MTOR: variants seen among roughly 807,000 people sequenced by gnomAD.
MTOR encodes the protein serine/threonine-protein kinase mTOR.
In MTOR, 70 loss-of-function variants were observed where a neutral mutation model predicts 319.8. That is an observed-to-expected ratio of 0.22 (90% CI 0.18 to 0.27). The LOEUF (loss-of-function observed/expected upper bound fraction) is 0.27, where lower values mean the gene tolerates loss of function less well. Among genes scored for constraint, MTOR ranks in the 10% least tolerant of loss-of-function variants. The pLI is 1.00. For synonymous variants in MTOR, 1,183 were observed against 1,211.4 expected (o/e 0.98, Z 0.49); for missense variants, 1,890 against 3,274.4 (o/e 0.58, Z 10.32).
At chr1:11,158,570 A>G (rs1166614108) in intron 29 of MTOR, among the ~76,000 whole-genome samples, 4 of 152,162 alleles carry the variant, frequency 2.6e-5, no homozygotes, top group African/African-American at 9.7e-5. Context: ...ACGTAAGGCA[A>G]ACTATCTCAA....
rs904070027 is a variant in MTOR at position 11,129,091 on chromosome 1, A to G, written c.5715-140T>C. ...TCAAATGTGTTTGGCCTCCCATGGG[A>G]GCAGGTGTCTGTGATGGGTGGCAGT... On this transcript the variant is annotated intron_variant, in intron 40 of 57. Coordinates refer to ENST00000361445, the MANE Select transcript of MTOR (RefSeq NM_004958.4). This position sits in a 1 kb window ranked among gnomAD's most constrained non-coding sequence, Gnocchi z 4.7. 1.3e-5 allele frequency: 9 copies of G among 673,502 alleles called. No individual in the cohort carries two copies. The African/African-American group carries it at 1.4e-4, about 11-fold the overall frequency. The allele number at this position is 673,502 out of a possible 1,614,324, so 41.7% of individuals were successfully genotyped here.
Position 11,144,726 on chromosome 1 carries a change from C to T in MTOR, c.4794G>A (p.Glu1598=), listed in dbSNP as rs757225087. The T allele has an allele frequency of 4.3e-6, 7 of 1,613,676 alleles. No homozygotes were observed. In the South Asian group the frequency reaches 7.7e-5, roughly 18 times the overall value. The part of the protein sequence containing the change: ...GAMVSCHMLS[E]LEEVIQYKLV... ...GTTTGTACTGGATAACCTCCTCCAGCTCGGACAGCATGTGGCAAGAAACCA... is the reference window on the plus strand; with the variant it reads ...GTTTGTACTGGATAACCTCCTCCAGTTCGGACAGCATGTGGCAAGAAACCA... The change falls in exon 34 of 58, where the codon GAG becomes GAA. Residue 1598 remains glutamate, a synonymous_variant. Transcript: ENST00000361445.
chr1:11,159,848 C>T (rs1644420943), intron 29 of MTOR, among the ~76,000 whole-genome samples: 1 of 152,076 alleles, frequency 6.6e-6, no homozygotes, highest in Non-Finnish European at 1.5e-5. Context: ...ACAAAAGGTT[C>T]CTCATCAAAT....
chr1:11,166,687 G>A (rs1418859651), intron 29 of MTOR, among the ~76,000 whole-genome samples: 1 of 152,172 alleles, frequency 6.6e-6, no homozygotes, highest in Non-Finnish European at 1.5e-5. Flanking sequence ...ACAGTGTGGC[G>A]ATTCCTCAAG....
chr1:11,183,061 C>T (rs981916468), intron 28 of MTOR, among the ~76,000 whole-genome samples: 1 of 152,198 alleles, frequency 6.6e-6, no homozygotes, highest in Non-Finnish European at 1.5e-5. Context: ...AGTGGCTTTA[C>T]CAATTTACAT....
intron 26 of MTOR, 54 bp downstream of exon 26, chr1:11,204,507 G>A (rs572623343): frequency 1.1e-4 from 168 of 1,555,362 alleles, no homozygotes; most frequent in Non-Finnish European, 1.4e-4. Flanking sequence ...AAACTAATTT[G>A]TATATATCGT....
chr1:11,230,646 G>C (rs1253502077), intron 18 of MTOR, among the ~76,000 whole-genome samples: 1 of 152,146 alleles, frequency 6.6e-6, no homozygotes, highest in African/African-American at 2.4e-5. Flanking sequence ...GTGATGGGGT[G>C]ATAATGTGTA....
At chr1:11,233,892 C>T (rs1306972442) in intron 14 of MTOR, among the ~76,000 whole-genome samples, 4 of 152,154 alleles carry the variant, frequency 2.6e-5, no homozygotes, top group African/African-American at 9.7e-5. Context: ...TTCTCCTTTC[C>T]AAACATCTGC....
chr1:11,247,252 C>T (rs986503647), intron 8 of MTOR, among the ~76,000 whole-genome samples: 1 of 152,196 alleles, frequency 6.6e-6, no homozygotes, highest in Admixed American at 6.5e-5. Context: ...AGCTTGGTGA[C>T]CACCTCAGGG....
chr1:11,190,677 T>A (rs1044879141), intron 28 of MTOR, among the ~76,000 whole-genome samples: 3 of 152,246 alleles, frequency 2.0e-5, no homozygotes, highest in African/African-American at 4.8e-5. Context: ...ATAACTTTTA[T>A]TTCTGGTTAG....
At position 11,128,010 on chromosome 1, in the gene MTOR, G is replaced by A. The variant is rs757962203; in HGVS notation, c.6027C>T (p.Ala2009=). ...CEHSNTLVQQ[A]MMVSEELIRV... is the part of the protein sequence containing the mutation. ...CACAGTGGCTCCGACCCACCATCAT[G>A]GCCTGCTGGACCAGGGTGTTGCTGT... The change falls in exon 43 of 58, where the codon GCC becomes GCT. Residue 2009 remains alanine, a synonymous_variant. Transcript: ENST00000361445. The surrounding 1 kb of genome is among the most constrained non-coding windows in gnomAD (Gnocchi z 5.3). 6.2e-7 allele frequency: 1 copy of A among 1,613,884 alleles called. No homozygotes were observed. The highest frequency in any genetic ancestry group is 1.1e-5 in the South Asian group (1 of 91,048).
At position 11,127,887 on chromosome 1, in the gene MTOR, T is replaced by C; in HGVS notation, c.6034-81A>G. The C allele has an allele frequency of 2.5e-6, 4 of 1,578,242 alleles. No homozygotes were observed. The highest frequency in any genetic ancestry group is 3.4e-6 in the Non-Finnish European group (4 of 1,162,668). ...TCTGTTTTGGAGACACAGGAGGTAC[T>C]ATTTCCAGCAGTCAGAGGAAGTGCA... is the stretch of plus-strand genomic sequence containing the variant. On this transcript the variant is annotated intron_variant, in intron 43 of 57. Transcript: ENST00000361445. This position sits in a 1 kb window ranked among gnomAD's most constrained non-coding sequence, Gnocchi z 5.5.
intron 9 of MTOR, among the ~76,000 whole-genome samples, chr1:11,242,162 G>A (rs989319717): frequency 5.9e-5 from 9 of 152,020 alleles, no homozygotes; most frequent in East Asian, 1.9e-4. Flanking sequence ...TCAGGAGTTC[G>A]AGACCAGCCT....
At chr1:11,237,749 C>A (rs898117048) in intron 13 of MTOR, 94 bp downstream of exon 13, 165 of 1,365,788 alleles carry the variant, frequency 1.2e-4, no homozygotes, top group Non-Finnish European at 1.7e-4. Context: ...AATCTTTCTC[C>A]CCCATCCTTG....
intron 6 of MTOR, among the ~76,000 whole-genome samples, chr1:11,252,681 A>G (rs1281226359): frequency 6.6e-6 from 1 of 152,206 alleles, no homozygotes; most frequent in Non-Finnish European, 1.5e-5. Flanking sequence ...ACATCTGGGC[A>G]TGGCTATTAT....
chr1:11,247,937 A>G lies in MTOR; in HGVS notation c.998T>C (p.Leu333Pro). The G allele has an allele frequency of 6.2e-7, 1 of 1,614,166 alleles. No individual in the cohort carries two copies. Among genetic ancestry groups the G allele is most frequent in the Non-Finnish European group, 8.5e-7 (1 of 1,180,034 alleles). ...QPQQSNALVG[L>P]LGYSSHQGLM... The stretch of plus-strand genomic sequence containing the variant: ...GCCTTGGTGAGAGCTGTACCCCAGC[A>G]GCCCCACCAAGGCATTTGACTGCTG... The change falls in exon 7 of 58, where the codon CTG becomes CCG. Residue 333 changes from leucine to proline, a missense_variant. Physicochemically the swap from Leu to Pro is moderately conservative, Grantham distance 98. Transcript: ENST00000361445.
At chr1:11,218,812 T>G (rs2100815963) in intron 19 of MTOR, among the ~76,000 whole-genome samples, 1 of 152,266 alleles carries the variant, frequency 6.6e-6, no homozygotes, top group Middle Eastern at 3.4e-3. Context: ...AAGAACACAG[T>G]TTTGCTCCTG....
chr1:11,197,831 C>A (rs1645836541), intron 28 of MTOR, among the ~76,000 whole-genome samples: 1 of 152,210 alleles, frequency 6.6e-6, no homozygotes, highest in South Asian at 2.1e-4. Flanking sequence ...GTGTGAACTA[C>A]CCCGCCCGGC....
intron 11 of MTOR, 117 bp from the exon 12 acceptor site, chr1:11,238,734 A>G (rs947199439): frequency 1.4e-4 from 105 of 763,914 alleles, no homozygotes; most frequent in Non-Finnish European, 2.2e-4. Context: ...TCAACTAGAT[A>G]TTGATCAATA....
Sources: allele counts gnomAD v4.1 joint callset (sites outside exome capture counted in the v4.1 genomes callset), GRCh38; gene constraint gnomAD v4.1.1; non-coding constraint Gnocchi (gnomAD v3.1); transcripts MANE v1.5; gene names NCBI Gene and HGNC (gene_info 2026-07-23, HGNC 2026-07-21).